Variants in COMP observed in about 807,000 individuals in gnomAD.
COMP encodes cartilage oligomeric matrix protein (pseudoachondroplasia, epiphyseal dysplasia 1, multiple).
COMP carries 79 observed loss-of-function variants against 95.8 expected under a neutral mutation model. The ratio of observed to expected loss-of-function variants is 0.82; its 90% CI spans 0.69 to 0.99. COMP has a LOEUF of 0.99. Ranked by LOEUF, COMP falls within the 50% of genes least tolerant of loss-of-function variation. COMP has a pLI of 0.00. For missense variants in COMP, 906 were observed against 1,076.1 expected, an observed-to-expected ratio of 0.84 and a Z score of 2.21; for synonymous variants, 438 against 433.9, an observed-to-expected ratio of 1.01 and a Z score of -0.12.
chr19:18,782,937 G>A lies in COMP; in HGVS notation c.2252C>T (p.Thr751Ile), dbSNP rs201049035. ...CNDTIPEDYE[T>I]HQLRQA ...TCCCTAGGCTTGCCGCAGCTGATGGGTCTCATAGTCCTCTGGGATGGTGTC... is the reference window on the plus strand; with the variant it reads ...TCCCTAGGCTTGCCGCAGCTGATGGATCTCATAGTCCTCTGGGATGGTGTC... The change falls in exon 19 of 19, where the codon ACC becomes ATC. Residue 751 changes from threonine (T) to isoleucine (I), a missense_variant. By Grantham distance (89) the Thr-to-Ile change is moderately conservative (BLOSUM62 -1). Coordinates refer to ENST00000222271, the MANE Select transcript of COMP (RefSeq NM_000095.3). 1.9e-6 allele frequency: 3 copies of A among 1,612,346 alleles called. No individual in the cohort carries two copies. The highest frequency in any genetic ancestry group is 1.3e-5 in the African/African-American group (1 of 74,906).
chr19:18,786,483 T>C, intron 11 of COMP, 49 bp downstream of exon 11: 1 of 1,556,342 alleles, frequency 6.4e-7, no homozygotes. Context: ...TAATCCAACT[T>C]GCAGTTCACC....
chr19:18,790,629 G>A lies in COMP; in HGVS notation c.166-16C>T, dbSNP rs375959061. On this transcript the variant is annotated splice_polypyrimidine_tract_variant and intron_variant, in intron 2 of 18. Coordinates refer to ENST00000222271, the MANE Select transcript of COMP (RefSeq NM_000095.3). Reference sequence around the variant, plus strand: ...TCTCCCTGACCTGCAGGGGTGGGATGGAATCAGCGGGGTCCCAACCTCTCC... The same window carrying A: ...TCTCCCTGACCTGCAGGGGTGGGATAGAATCAGCGGGGTCCCAACCTCTCC... 2.5e-5 allele frequency: 41 copies of A among 1,613,844 alleles called. No individual in the cohort carries two copies. Among genetic ancestry groups the A allele is most frequent in the Non-Finnish European group, 3.3e-5 (39 of 1,179,866 alleles).
rs780972997 is a variant in COMP at position 18,787,516 on chromosome 19, C to T, written c.1110G>A (p.Ala370=). Residue 370 remains alanine, a synonymous_variant, in exon 10 of 19, where the codon GCG becomes GCA. Transcript: ENST00000222271. Reference sequence around the variant, plus strand: ...GGTCGCCGTCGATGTCGTCGTCGCACGCATCGCCCCGGCCGTCCTGGTCTG... The same window carrying T: ...GGTCGCCGTCGATGTCGTCGTCGCATGCATCGCCCCGGCCGTCCTGGTCTG... ...KDTDQDGRGD[A]CDDDIDGDRI... 34 of 1,613,470 alleles carry T rather than the reference C, an allele frequency of 2.1e-5. No individual in the cohort carries two copies. The Admixed American group carries it at 5.2e-4, about 25-fold the overall frequency.
At position 18,784,354 on chromosome 19, in the gene COMP, A is replaced by T. The variant is rs749783671; in HGVS notation, c.1924T>A (p.Ser642Thr). ...EPGIQLKAVK[S>T]STGPGEQLRN... ...AGCTGTTCCCCGGGGCCTGTGGAAG[A>T]CTTCACAGCCTGCCAATACCCAGGA... The change falls in exon 17 of 19, where the codon TCT (serine) becomes ACT (threonine). Residue 642 changes from serine to threonine, a missense_variant. Coordinates refer to ENST00000222271, the MANE Select transcript of COMP (RefSeq NM_000095.3). This position sits in a 1 kb window ranked among gnomAD's most constrained non-coding sequence, Gnocchi z 4.9. 6.8e-6 allele frequency: 11 copies of T among 1,613,886 alleles called. No individual in the cohort carries two copies. The Admixed American group carries it at 1.8e-4, about 27-fold the overall frequency.
chr19:18,788,860 G>C lies in COMP; in HGVS notation c.582C>G (p.Asn194Lys), dbSNP rs1352615165. 3.7e-6 allele frequency: 6 copies of C among 1,614,004 alleles called. No homozygotes were observed. Among genetic ancestry groups the C allele is most frequent in the Middle Eastern group, 3.3e-4 (2 of 6,052 alleles). Residue 194 changes from asparagine (N) to lysine (K), a missense_variant, in exon 6 of 19, where the codon AAC becomes AAG. Coordinates refer to ENST00000222271, the MANE Select transcript of COMP (RefSeq NM_000095.3). The surrounding 1 kb of genome is among the most constrained non-coding windows in gnomAD (Gnocchi z 4.7). ...TTACCCGGGTGTTGATGCACACGGA[G>C]TTGGGGACGCAGTTATGTTGCCCGG... ...CETGQHNCVP[N>K]SVCINTRGSF...
intron 9 of COMP, among the ~76,000 whole-genome samples, 156 bp from the exon 10 acceptor site, chr19:18,787,806 A>AT (rs1220702503): frequency 2.0e-5 from 3 of 151,718 alleles, no homozygotes; most frequent in African/African-American, 4.9e-5. Flanking sequence ...GCCACGCCCC[A>AT]TCCCACTTCC....
At chr19:18,787,119 G>A in intron 10 of COMP, 2 of 404,586 alleles carry the variant, frequency 4.9e-6, no homozygotes, top group Non-Finnish European at 4.6e-6. Context: ...AGGCTAGTGA[G>A]GGGGACGGGC....
rs79520769 is a variant in COMP at position 18,789,023 on chromosome 19, C to G, written c.529-110G>C. ...CTCTCCCCTCCATCCTGCCCCAAACCGATCAGCCCTGGCGCAGCGGACCCC... is the reference window on the plus strand; with the variant it reads ...CTCTCCCCTCCATCCTGCCCCAAACGGATCAGCCCTGGCGCAGCGGACCCC... On this transcript the variant is annotated intron_variant, in intron 5 of 18. Transcript: ENST00000222271. This position sits in a 1 kb window ranked among gnomAD's most constrained non-coding sequence, Gnocchi z 6.1. 3.9e-6 allele frequency: 6 copies of G among 1,547,550 alleles called. No individual in the cohort carries two copies. Among genetic ancestry groups the G allele is most frequent in the South Asian group, 3.5e-5 (3 of 86,658 alleles).
intron 2 of COMP, 59 bp from the exon 3 acceptor site, chr19:18,790,672 CCT>C (rs1187102505): frequency 2.7e-5 from 44 of 1,613,150 alleles, no homozygotes; most frequent in Non-Finnish European, 3.6e-5. Flanking sequence ...TCGGGTCTCC[CCT>C]CTCTCTACCC....
At position 18,785,984 on chromosome 19, in the gene COMP, G is replaced by A. The variant is rs768883872; in HGVS notation, c.1470C>T (p.Pro490=). The part of the protein sequence containing the change: ...SRDNCRLVPN[P]GQEDADRDGV... ...CCGTACTGTCCGCGTCCTCCTGGCC[G>A]GGGTTAGGCACCAGGCGGCAGTTGT... Residue 490 remains proline, a synonymous_variant, in exon 13 of 19, where the codon CCC becomes CCT. Coordinates refer to ENST00000222271, the MANE Select transcript of COMP (RefSeq NM_000095.3). 2.5e-6 allele frequency: 4 copies of A among 1,611,542 alleles called. No homozygotes were observed. The highest frequency in any genetic ancestry group is 2.2e-5 in the South Asian group (2 of 90,888).
In COMP at chr19:18,784,190, C is replaced by T. The variant is rs2055147838; in HGVS notation, c.2087+1G>A. ...CCCACCACAGAGGGTGGAGTCCCCA[C>T]CTGATGTAGCCCACTTGGGGCCGGT... On this transcript the variant is annotated splice_donor_variant, in intron 17 of 18. Coordinates refer to ENST00000222271, the MANE Select transcript of COMP (RefSeq NM_000095.3). LOFTEE classifies it high-confidence loss of function. This position sits in a 1 kb window ranked among gnomAD's most constrained non-coding sequence, Gnocchi z 4.9. The T allele has an allele frequency of 6.2e-7, 1 of 1,613,266 alleles. No homozygotes were observed. The highest frequency in any genetic ancestry group is 8.5e-7 in the Non-Finnish European group (1 of 1,180,038).
intron 3 of COMP, 113 bp from the exon 4 acceptor site, chr19:18,790,227 G>A: frequency 5.4e-6 from 3 of 552,540 alleles, no homozygotes; most frequent in South Asian, 3.2e-5. Context: ...CCCACCCCCC[G>A]CCCCGGGGCG....
Position 18,784,829 on chromosome 19 carries a change from AG to A in COMP, c.1914+66del. 2 of 1,568,364 alleles carry A rather than the reference AG, an allele frequency of 1.3e-6. No individual in the cohort carries two copies. Among genetic ancestry groups the A allele is most frequent in the Admixed American group, 1.7e-5 (1 of 59,914 alleles). ...GGCTGGGGGGCTCTAAGGGCTGTAA[AG>A]GGTTTTACGGAGGGTCATGGGAGGG... On this transcript the variant is annotated intron_variant, in intron 16 of 18. Transcript: ENST00000222271. The surrounding 1 kb of genome is among the most constrained non-coding windows in gnomAD (Gnocchi z 4.9).
In COMP at chr19:18,789,139, T is replaced by TG; in HGVS notation, c.528+20dup. 1.9e-6 allele frequency: 3 copies of TG among 1,585,526 alleles called. No homozygotes were observed. The South Asian group carries it at 3.5e-5, about 18-fold the overall frequency. ...GCCCCCTTCCCTTCTGCTCCAAAAA[T>TG]GGGGCCCCCACACCTCTCACCTGCT... On this transcript the variant is annotated intron_variant, in intron 5 of 18. Coordinates refer to ENST00000222271, the MANE Select transcript of COMP (RefSeq NM_000095.3). The surrounding 1 kb of genome is among the most constrained non-coding windows in gnomAD (Gnocchi z 6.1).
rs769059709 is a variant in COMP, at chr19:18,788,952, A to G, written c.529-39T>C. 2 of 1,602,808 alleles carry G rather than the reference A, an allele frequency of 1.2e-6. No individual in the cohort carries two copies. Among genetic ancestry groups the G allele is most frequent in the East Asian group, 2.2e-5 (1 of 44,654 alleles). On this transcript the variant is annotated intron_variant, in intron 5 of 18. Coordinates refer to ENST00000222271, the MANE Select transcript of COMP (RefSeq NM_000095.3). The surrounding 1 kb of genome is among the most constrained non-coding windows in gnomAD (Gnocchi z 4.7). ...ACTCAGAGGTCACCACCCCACGCAG[A>G]CACCTCCGGACCTCCCACCTCCTCC...
chr19:18,788,268 C>A lies in COMP; in HGVS notation c.919G>T (p.Gly307Cys). ...NSGQEDVDRD[G>C]IGDACDPDAD... ...TCCGGATCGCAGGCGTCTCCGATGC[C>A]ATCGCGGTCCACATCCTCCTGCCCT... Residue 307 changes from glycine to cysteine, a missense_variant, in exon 9 of 19, where the codon GGC becomes TGC. Transcript: ENST00000222271. This position sits in a 1 kb window ranked among gnomAD's most constrained non-coding sequence, Gnocchi z 4.7. The A allele has an allele frequency of 6.2e-7, 1 of 1,613,258 alleles. No homozygotes were observed. The highest frequency in any genetic ancestry group is 8.5e-7 in the Non-Finnish European group (1 of 1,180,024).
At chr19:18,783,302 G>A (rs2055139266) in intron 17 of COMP, 109 bp from the exon 18 acceptor site, 1 of 1,456,440 alleles carries the variant, frequency 6.9e-7, no homozygotes, top group East Asian at 2.5e-5. Context: ...GCTGCACTGG[G>A]AGCAAGTGAG....
chr19:18,789,436 G>C lies in COMP; in HGVS notation c.391-139C>G. 1.0e-6 allele frequency: 1 copy of C among 1,000,694 alleles called. No homozygotes were observed. The highest frequency in any genetic ancestry group is 1.9e-5 in the South Asian group (1 of 52,772). 62.0% of individuals were successfully genotyped at this position (1,000,694 alleles called of 1,614,324 possible). On this transcript the variant is annotated intron_variant, in intron 4 of 18. Transcript: ENST00000222271. The surrounding 1 kb of genome is among the most constrained non-coding windows in gnomAD (Gnocchi z 6.1). ...CTCTGAGATGGAAGCAATTGTCGCAGGGGTCAGGCACGACTTTGCCTTGAT... is the reference window on the plus strand; with the variant it reads ...CTCTGAGATGGAAGCAATTGTCGCACGGGTCAGGCACGACTTTGCCTTGAT...
At position 18,790,547 on chromosome 19, in the gene COMP, C is replaced by T. The variant is rs1439169186; in HGVS notation, c.217+15G>A. ...TCCCGTCTCTTCTCTCTCCCGACCG[C>T]CCCGCCGCGCTCACCGCACGCGTCA... On this transcript the variant is annotated intron_variant, in intron 3 of 18. Coordinates refer to ENST00000222271, the MANE Select transcript of COMP (RefSeq NM_000095.3). 18 of 1,613,632 alleles carry T rather than the reference C, an allele frequency of 1.1e-5. No homozygotes were observed. The East Asian group carries it at 3.8e-4, about 34-fold the overall frequency.
Sources: allele counts gnomAD v4.1 joint callset (sites outside exome capture counted in the v4.1 genomes callset), GRCh38; gene constraint gnomAD v4.1.1; non-coding constraint Gnocchi (gnomAD v3.1); transcripts MANE v1.5; gene names NCBI Gene and HGNC (gene_info 2026-07-23, HGNC 2026-07-21).